Variants in EPM2A observed in about 807,000 individuals in gnomAD.
The protein encoded by EPM2A is EPM2A glucan phosphatase, laforin.
Under a neutral mutation model 26.5 loss-of-function variants are expected in EPM2A, and 21 were observed. The observed-to-expected ratio is 0.79, with a 90% CI of 0.56 to 1.14. The LOEUF is 1.14. Among genes scored for constraint, EPM2A ranks in the 50% most tolerant of loss-of-function variants. The pLI, the probability that EPM2A is intolerant of heterozygous loss-of-function variation, is 0.00. For missense variants in EPM2A, 458 were observed against 440.8 expected (o/e 1.04, Z -0.35); for synonymous variants, 217 against 177.6 (o/e 1.22, Z -1.76).
chr6:145,639,039 G>A (rs1217056223), intron 2 of EPM2A: 1 of 152,022 alleles, frequency 6.6e-6, no homozygotes, highest in Admixed American at 6.6e-5. Flanking sequence ...TTAACATCAG[G>A]ATTTTTAGGG....
At chr6:145,453,987 C>A (rs2114711022) in intron 4 of EPM2A, among the ~76,000 whole-genome samples, 1 of 152,292 alleles carries the variant, frequency 6.6e-6, no homozygotes, top group African/African-American at 2.4e-5. Flanking sequence ...CTAAGCACAT[C>A]CTATGAGTTT....
intron 2 of EPM2A, among the ~76,000 whole-genome samples, chr6:145,540,119 C>T (rs187418228): frequency 6.6e-6 from 1 of 152,338 alleles, no homozygotes; most frequent in Admixed American, 6.5e-5. Flanking sequence ...TGGTGCTTCT[C>T]CTGTGGCCCC....
intron 4 of EPM2A, among the ~76,000 whole-genome samples, chr6:145,448,630 T>C (rs1189547374): frequency 1.3e-5 from 2 of 152,088 alleles, no homozygotes; most frequent in Non-Finnish European, 2.9e-5. Flanking sequence ...TAACAATAAT[T>C]TGGTGCTCAA....
chr6:145,687,585 T>C (rs1781012654), intron 1 of EPM2A, among the ~76,000 whole-genome samples: 1 of 152,186 alleles, frequency 6.6e-6, no homozygotes, highest in African/African-American at 2.4e-5. Context: ...GCAAACTAAA[T>C]GCATGAGTGG....
At position 145,543,092 on chromosome 6, in the gene EPM2A, T is replaced by C. The variant is rs1417998201; in HGVS notation, c.341-40517A>G. On this transcript the variant is annotated intron_variant, in intron 2 of 3. Transcript: ENST00000450221. ...GCTTCCTTTCGTTTTTGTATTTTGTTTTGTTCATTATGTTTGCATTTCTCA... is the reference window on the plus strand; with the variant it reads ...GCTTCCTTTCGTTTTTGTATTTTGTCTTGTTCATTATGTTTGCATTTCTCA... Among the ~76,000 whole-genome samples, 7 of 152,280 alleles carry C rather than the reference T, an allele frequency of 4.6e-5. No homozygotes were observed. The East Asian group carries it at 1.4e-3, about 29-fold the overall frequency.
At chr6:145,491,624 C>A (rs944705189) in intron 4 of EPM2A, 1 of 360,734 alleles carries the variant, frequency 2.8e-6, no homozygotes, top group South Asian at 2.2e-5. Context: ...AAATGACATT[C>A]GAGTGGGAAA....
chr6:145,491,407 A>C (rs1236565469), intron 4 of EPM2A, among the ~76,000 whole-genome samples: 3 of 151,280 alleles, frequency 2.0e-5, no homozygotes, highest in Non-Finnish European at 3.0e-5. Flanking sequence ...TGTGGACTCC[A>C]TATCTGGCAG....
chr6:145,714,056 C>T (rs762456415), intron 1 of EPM2A, among the ~76,000 whole-genome samples: 1 of 152,122 alleles, frequency 6.6e-6, no homozygotes, highest in Non-Finnish European at 1.5e-5. Context: ...AAAGTGCATT[C>T]GTGTTTGCCT....
At chr6:145,582,041 T>A (rs1169836415) in intron 2 of EPM2A, among the ~76,000 whole-genome samples, 1 of 152,212 alleles carries the variant, frequency 6.6e-6, no homozygotes, top group Non-Finnish European at 1.5e-5. Flanking sequence ...AGGTTGTGAA[T>A]TTGAGATCTT....
chr6:145,534,587 A>G (rs995002185), intron 2 of EPM2A, among the ~76,000 whole-genome samples: 34 of 152,226 alleles, frequency 2.2e-4, no homozygotes, highest in Admixed American at 2.2e-3. Context: ...GGTTCAGTCA[A>G]TGCAAGCACG....
intron 2 of EPM2A, among the ~76,000 whole-genome samples, chr6:145,652,334 G>A (rs1237425606): frequency 6.6e-6 from 1 of 151,978 alleles, no homozygotes; most frequent in Non-Finnish European, 1.5e-5. Context: ...ACCTCTTTTT[G>A]TTTGTTGTTA....
At chr6:145,514,901 C>T (rs1034841919) in intron 2 of EPM2A, among the ~76,000 whole-genome samples, 1 of 152,228 alleles carries the variant, frequency 6.6e-6, no homozygotes, top group African/African-American at 2.4e-5. Flanking sequence ...CACTCATCTA[C>T]TCCTACCTAT....
At chr6:145,657,235 G>A (rs767642100) in intron 2 of EPM2A, among the ~76,000 whole-genome samples, 7 of 151,636 alleles carry the variant, frequency 4.6e-5, no homozygotes, top group South Asian at 2.1e-4. Context: ...GACTACAGGC[G>A]AGCACCACCA....
downstream of EPM2A, among the ~76,000 whole-genome samples, chr6:145,622,519 G>A (rs1331269767): frequency 6.6e-6 from 1 of 152,166 alleles, no homozygotes; most frequent in Admixed American, 6.5e-5. Flanking sequence ...TTAAGAAGAG[G>A]CCATATTAGA....
At chr6:145,535,164 T>C (rs1381168663) in intron 2 of EPM2A, among the ~76,000 whole-genome samples, 1 of 152,196 alleles carries the variant, frequency 6.6e-6, no homozygotes, top group Non-Finnish European at 1.5e-5. Context: ...CACCCTTGGA[T>C]CATGAGACAC....
At chr6:145,715,626 G>A (rs933026702) in intron 1 of EPM2A, among the ~76,000 whole-genome samples, 2 of 152,152 alleles carry the variant, frequency 1.3e-5, no homozygotes, top group African/African-American at 4.8e-5. Context: ...TGTATTTACA[G>A]CTGCTCCCCA....
At chr6:145,672,604 A>G (rs1296233811) in intron 2 of EPM2A, among the ~76,000 whole-genome samples, 1 of 152,242 alleles carries the variant, frequency 6.6e-6, no homozygotes, top group Non-Finnish European at 1.5e-5. Context: ...CACTCTCCTC[A>G]GCTGGGAAAC....
intron 4 of EPM2A, among the ~76,000 whole-genome samples, chr6:145,393,501 GTTT>G (rs905033881): frequency 6.6e-6 from 1 of 152,084 alleles, no homozygotes; most frequent in Non-Finnish European, 1.5e-5. Flanking sequence ...CGCCAGAACA[GTTT>G]TTTTCCCCAT....
intron 2 of EPM2A, among the ~76,000 whole-genome samples, chr6:145,676,865 TATC>T (rs1387410299): frequency 1.3e-5 from 2 of 152,150 alleles, no homozygotes; most frequent in Admixed American, 1.3e-4. Context: ...GAGGAGCTGG[TATC>T]ATTCCTTCTG....
Sources: allele counts gnomAD v4.1 joint callset (sites outside exome capture counted in the v4.1 genomes callset), GRCh38; gene constraint gnomAD v4.1.1; transcripts MANE v1.5; gene names NCBI Gene and HGNC (gene_info 2026-07-23, HGNC 2026-07-21).